Variants in MACROD2 observed in about 807,000 individuals in gnomAD.
MACROD2 encodes mono-ADP ribosylhydrolase 2.
A neutral mutation model predicts 70.4 loss-of-function variants in MACROD2; 36 were observed. The observed-to-expected ratio is 0.51, with a 90% CI of 0.39 to 0.68. The LOEUF (loss-of-function observed/expected upper bound fraction) is 0.68, where lower values mean the gene tolerates loss of function less well. Among genes scored for constraint, MACROD2 ranks in the 30% least tolerant of loss-of-function variants. The pLI, the probability that MACROD2 is intolerant of heterozygous loss-of-function variation, is 0.00. For synonymous variants in MACROD2, 172 were observed against 178.8 expected (o/e 0.96, Z 0.30); for missense variants, 496 against 538.4 (o/e 0.92, Z 0.78).
At chr20:14,321,374 AAG>A (rs1034066158) in intron 3 of MACROD2, among the ~76,000 whole-genome samples, 5 of 152,178 alleles carry the variant, frequency 3.3e-5, no homozygotes, top group Non-Finnish European at 7.3e-5. Flanking sequence ...CAAAAAAAAA[AAG>A]CCAGTCAGTA....
At chr20:14,256,767 T>C (rs1219923314) in intron 3 of MACROD2, among the ~76,000 whole-genome samples, 1 of 152,198 alleles carries the variant, frequency 6.6e-6, no homozygotes, top group Non-Finnish European at 1.5e-5. Flanking sequence ...GAAGATCTGT[T>C]CAATTTTCTA....
intron 6 of MACROD2, among the ~76,000 whole-genome samples, chr20:15,382,618 A>G (rs1263812566): frequency 1.3e-5 from 2 of 152,222 alleles, no homozygotes; most frequent in African/African-American, 2.4e-5. Context: ...TGCTTTTAAT[A>G]TAAATATTCT....
chr20:14,299,867 G>C (rs1246675147), intron 3 of MACROD2, among the ~76,000 whole-genome samples: 1 of 152,116 alleles, frequency 6.6e-6, no homozygotes, highest in African/African-American at 2.4e-5. Context: ...TACAGAGAAA[G>C]ACCAGTTAAT....
chr20:14,176,500 A>C (rs956021631), intron 3 of MACROD2, among the ~76,000 whole-genome samples: 4 of 152,142 alleles, frequency 2.6e-5, no homozygotes, highest in African/African-American at 9.7e-5. Flanking sequence ...TGATTTTTCT[A>C]TAAGTTCACC....
intron 6 of MACROD2, among the ~76,000 whole-genome samples, chr20:15,236,430 G>T (rs959619433): frequency 3.2e-4 from 49 of 152,324 alleles, no homozygotes; most frequent in African/African-American, 1.2e-3. Flanking sequence ...CCAGAGAGAT[G>T]ATTTGAGTTA....
Position 15,057,073 on chromosome 20 carries a change from T to G in MACROD2, c.419-172867T>G, listed in dbSNP as rs539036425. Among the ~76,000 whole-genome samples, 85 of 152,344 alleles carry G rather than the reference T, an allele frequency of 5.6e-4. 1 individual carries two copies. The highest frequency in any genetic ancestry group is 1.6e-3 in the African/African-American group (67 of 41,582). On this transcript the variant is annotated intron_variant, in intron 5 of 17. Transcript: ENST00000684519. The stretch of plus-strand genomic sequence containing the variant: ...GGATGGGATATATGAGTCAGAGACT[T>G]GTGTGTCTCATTTTATGCCCTACCA...
At chr20:15,296,993 C>T (rs948583633) in intron 6 of MACROD2, among the ~76,000 whole-genome samples, 1 of 152,132 alleles carries the variant, frequency 6.6e-6, no homozygotes, top group African/African-American at 2.4e-5. Context: ...AATTGTTTGG[C>T]CTTCATTTCC....
At chr20:15,916,755 T>A (rs998834946) in intron 10 of MACROD2, among the ~76,000 whole-genome samples, 17 of 152,238 alleles carry the variant, frequency 1.1e-4, no homozygotes, top group African/African-American at 4.1e-4. Flanking sequence ...GTAATGACTT[T>A]GGTGGACAAG....
intron 3 of MACROD2, among the ~76,000 whole-genome samples, chr20:14,214,912 G>A (rs1423183902): frequency 6.6e-6 from 1 of 151,462 alleles, no homozygotes; most frequent in Non-Finnish European, 1.5e-5. Flanking sequence ...TCTCATTCAG[G>A]TCACTGCAAA....
chr20:15,975,789 T>C lies in MACROD2; in HGVS notation c.985+8159T>C, dbSNP rs372985893. Among the ~76,000 whole-genome samples, 63 of 152,318 alleles carry C rather than the reference T, an allele frequency of 4.1e-4. 1 individual carries two copies. The East Asian group carries it at 9.1e-3, about 22-fold the overall frequency. Reference sequence around the variant, plus strand: ...ATTTTTAGCGTATCCATAAGGAAATTGCATTTCTTTTGTAACTACAAGGCA... The same window carrying C: ...ATTTTTAGCGTATCCATAAGGAAATCGCATTTCTTTTGTAACTACAAGGCA... On this transcript the variant is annotated intron_variant, in intron 13 of 17. Transcript: ENST00000684519.
intron 13 of MACROD2, among the ~76,000 whole-genome samples, chr20:15,972,369 A>C (rs2066244417): frequency 6.6e-6 from 1 of 152,194 alleles, no homozygotes; most frequent in Non-Finnish European, 1.5e-5. Context: ...CACATATGCA[A>C]GAAGTTCTAT....
At chr20:15,360,697 A>G (rs983432819) in intron 6 of MACROD2, among the ~76,000 whole-genome samples, 1 of 152,138 alleles carries the variant, frequency 6.6e-6, no homozygotes, top group Non-Finnish European at 1.5e-5. Context: ...AATGCATAAA[A>G]GGTCTAGTTT....
intron 10 of MACROD2, among the ~76,000 whole-genome samples, chr20:15,910,747 T>C (rs147218714): frequency 3.3e-5 from 5 of 152,230 alleles, no homozygotes; most frequent in African/African-American, 1.2e-4. Flanking sequence ...GTGTCGCCAA[T>C]GTGAAAATAA....
At chr20:15,720,896 G>A (rs1180368095) in intron 8 of MACROD2, among the ~76,000 whole-genome samples, 1 of 152,142 alleles carries the variant, frequency 6.6e-6, no homozygotes, top group Non-Finnish European at 1.5e-5. Context: ...ATCAAAATCA[G>A]CCTGGTTCAT....
In MACROD2 at chr20:14,810,969, C is replaced by T. The variant is rs1484205852; in HGVS notation, c.418+126010C>T. Among the ~76,000 whole-genome samples the T allele has an allele frequency of 2.0e-5, 3 of 152,114 alleles. 1 individual carries two copies. Among genetic ancestry groups the T allele is most frequent in the Non-Finnish European group, 4.4e-5 (3 of 67,994 alleles). ...CAAACAAATGGAAAAACATTTCATG[C>T]TCATGGATAGGAAGAATCAATATCA... On this transcript the variant is annotated intron_variant, in intron 5 of 17. Transcript: ENST00000684519.
At chr20:14,266,043 T>C (rs2082142063) in intron 3 of MACROD2, among the ~76,000 whole-genome samples, 1 of 152,258 alleles carries the variant, frequency 6.6e-6, no homozygotes, top group Non-Finnish European at 1.5e-5. Context: ...CCCAAAGTGC[T>C]GGGATTATAG....
At chr20:15,642,557 C>A (rs6043410) in intron 8 of MACROD2, among the ~76,000 whole-genome samples, 4 of 146,630 alleles carry the variant, frequency 2.7e-5, no homozygotes, top group African/African-American at 7.4e-5. Flanking sequence ...TTAGAGTAAC[C>A]TAAAGAGGGA....
chr20:15,857,162 A>C (rs1272895863), intron 8 of MACROD2, among the ~76,000 whole-genome samples: 5 of 152,178 alleles, frequency 3.3e-5, no homozygotes, highest in Non-Finnish European at 7.4e-5. Flanking sequence ...AACATTCCAC[A>C]AGGGGATGAT....
chr20:15,042,575 T>C (rs986294062), intron 5 of MACROD2, among the ~76,000 whole-genome samples: 2 of 152,202 alleles, frequency 1.3e-5, no homozygotes, highest in African/African-American at 4.8e-5. Context: ...CAGTGAATTA[T>C]GGCCACTGCC....
Sources: allele counts gnomAD v4.1 joint callset (sites outside exome capture counted in the v4.1 genomes callset), GRCh38; gene constraint gnomAD v4.1.1; transcripts MANE v1.5; gene names NCBI Gene and HGNC (gene_info 2026-07-23, HGNC 2026-07-21).